Variants in ARL9 observed in about 807,000 individuals in gnomAD.
ARL9 encodes the protein ARF like GTPase 9.
A neutral mutation model predicts 27.0 loss-of-function variants in ARL9; 14 were observed. The ratio of observed to expected loss-of-function variants is 0.52; its 90% confidence interval spans 0.34 to 0.81. ARL9 has a LOEUF of 0.81. Among genes scored for constraint, ARL9 ranks in the 30% least tolerant of loss-of-function variants. The probability of loss-of-function intolerance (pLI) is 0.01; values close to 1 mark genes in which losing one functional copy is unlikely to be tolerated. For missense variants in ARL9, 294 were observed against 290.0 expected, an observed-to-expected ratio of 1.01 and a Z score of -0.10; for synonymous variants, 106 against 108.7, an observed-to-expected ratio of 0.98 and a Z score of 0.15.
chr4:56,516,205 A>G (rs1381276376), intron 2 of ARL9, among the ~76,000 whole-genome samples: 3 of 152,226 alleles, frequency 2.0e-5, no homozygotes, highest in Non-Finnish European at 4.4e-5. Flanking sequence ...TCCTATGCAT[A>G]CAAATGTATA....
chr4:56,516,475 A>G (rs576125304), intron 2 of ARL9, among the ~76,000 whole-genome samples: 1 of 152,226 alleles, frequency 6.6e-6, no homozygotes, highest in East Asian at 1.9e-4. Context: ...TCCTACAAAT[A>G]AAGACAACAT....
intron 2 of ARL9, among the ~76,000 whole-genome samples, chr4:56,518,351 T>C (rs1721822614): frequency 6.6e-6 from 1 of 152,180 alleles, no homozygotes. Flanking sequence ...TCCCATTTTC[T>C]GAGCTATAAC....
intron 1 of ARL9, among the ~76,000 whole-genome samples, chr4:56,506,907 C>T (rs2110140457): frequency 6.6e-6 from 1 of 151,600 alleles, no homozygotes; most frequent in Non-Finnish European, 1.5e-5. Flanking sequence ...GCACCGCCCC[C>T]ATCTCCCAAC....
At chr4:56,509,201 C>CTTTTCTTTTTTTTTTTTTTTTTT (rs1553949438) in intron 1 of ARL9, among the ~76,000 whole-genome samples, 1 of 133,352 alleles carries the variant, frequency 7.5e-6, no homozygotes, top group Non-Finnish European at 1.6e-5. Context: ...TTTTCTTTTT[C>CTTTTCTTTTTTTTTTTTTTTTTT]TTTTTTTTGT....
chr4:56,513,976 C>G (rs1721708453), intron 2 of ARL9, among the ~76,000 whole-genome samples: 1 of 152,108 alleles, frequency 6.6e-6, no homozygotes, highest in Non-Finnish European at 1.5e-5. Flanking sequence ...TTGAGAACAA[C>G]CTGGGCAATA....
intron 3 of ARL9, among the ~76,000 whole-genome samples, chr4:56,520,168 A>G (rs1721878324): frequency 6.6e-6 from 1 of 152,124 alleles, no homozygotes; most frequent in South Asian, 2.1e-4. Context: ...ACACCCAGCT[A>G]ATTTTTGTAT....
At chr4:56,506,643 C>T (rs568052295) in intron 1 of ARL9, 519 of 985,222 alleles carry the variant, frequency 5.3e-4, no homozygotes, top group Non-Finnish European at 6.0e-4. Flanking sequence ...GAATGGATGG[C>T]GGAAAAGTTT....
At chr4:56,507,376 G>A (rs180935263) in intron 1 of ARL9, among the ~76,000 whole-genome samples, 13 of 151,354 alleles carry the variant, frequency 8.6e-5, no homozygotes, top group Middle Eastern at 3.4e-3. Context: ...GTACAGTGGC[G>A]TGATCTCGGC....
chr4:56,509,099 C>G (rs921964816), intron 1 of ARL9, among the ~76,000 whole-genome samples: 12 of 152,300 alleles, frequency 7.9e-5, no homozygotes, highest in African/African-American at 2.9e-4. Flanking sequence ...TCAGAGCACC[C>G]TGTACGATCT....
chr4:56,506,722 C>CT, intron 1 of ARL9: 3 of 973,368 alleles, frequency 3.1e-6, no homozygotes, highest in Non-Finnish European at 3.7e-6. Flanking sequence ...CCTGGAGTTC[C>CT]TGAGCTGGCT....
chr4:56,506,810 G>A (rs998371651), intron 1 of ARL9: 3 of 300,062 alleles, frequency 1.0e-5, no homozygotes, highest in Non-Finnish European at 1.5e-5. Context: ...GTGTGTGTGT[G>A]TGTGTGTGTG....
upstream of ARL9, chr4:56,505,355 G>A: frequency 2.2e-6 from 1 of 456,932 alleles, no homozygotes; most frequent in South Asian, 1.5e-5. Context: ...CTGAGGGAAG[G>A]CTGAGAATCC....
intron 2 of ARL9, among the ~76,000 whole-genome samples, chr4:56,515,817 A>G (rs1274564210): frequency 1.3e-5 from 2 of 152,230 alleles, no homozygotes; most frequent in East Asian, 1.9e-4. Flanking sequence ...AAATAGAGAC[A>G]TAATACAGTT....
At chr4:56,506,205 G>T (rs1721455377) in intron 1 of ARL9, 64 bp downstream of exon 1, 3 of 1,230,736 alleles carry the variant, frequency 2.4e-6, no homozygotes, top group Non-Finnish European at 2.0e-6. Context: ...AGACCCCAGC[G>T]CTGTCTCTGT....
At chr4:56,519,857 A>ATT (rs912928238) in intron 3 of ARL9, among the ~76,000 whole-genome samples, 1 of 146,606 alleles carries the variant, frequency 6.8e-6, no homozygotes. Context: ...ATGCAAAGGG[A>ATT]TTTTTTTTTT....
intron 1 of ARL9, among the ~76,000 whole-genome samples, chr4:56,508,343 C>A (rs1721527617): frequency 6.6e-6 from 1 of 151,980 alleles, no homozygotes; most frequent in African/African-American, 2.4e-5. Flanking sequence ...GTTTAAGAGC[C>A]ATCAAAGATT....
intron 1 of ARL9, among the ~76,000 whole-genome samples, chr4:56,509,208 T>TTC (rs1210357086): frequency 1.4e-4 from 18 of 125,872 alleles, no homozygotes; most frequent in South Asian, 5.2e-4. Flanking sequence ...TTTCTTTTTT[T>TTC]TGTTTTTTTT....
rs2110158592 is a variant in ARL9, at chr4:56,523,779, T to G, written c.701T>G (p.Leu234Trp). 6.2e-7 allele frequency: 1 copy of G among 1,613,966 alleles called. No homozygotes were observed. Residue 234 changes from leucine to tryptophan, a missense_variant, in exon 4 of 4, where the codon TTG (leucine) becomes TGG (tryptophan). Leu to Trp is a moderately conservative substitution (Grantham distance 61). Transcript: ENST00000640821. ...GTGGGAAATGACAGGAAGATGTTCTTGTTTGGAACCTACCTGACTAAGAAT... is the reference window on the plus strand; with the variant it reads ...GTGGGAAATGACAGGAAGATGTTCTGGTTTGGAACCTACCTGACTAAGAAT... Reference protein sequence around the residue: ...SEVGNDRKMFLFGTYLTKNGS... With the variant: ...SEVGNDRKMFWFGTYLTKNGS...
rs548241539 is a variant in ARL9 at position 56,508,372 on chromosome 4, G to T, written c.279+2231G>T. The stretch of plus-strand genomic sequence containing the variant: ...AAAGATTTGCTCCAAGAACAAATAC[G>T]TACATTTTTTCTTTTTCTTTTTTTT... On this transcript the variant is annotated intron_variant, in intron 1 of 3. Transcript: ENST00000640821. 3.9e-4 allele frequency among the ~76,000 whole-genome samples: 59 copies of T among 152,092 alleles called. 1 individual carries two copies. Among genetic ancestry groups the T allele is most frequent in the Admixed American group, 3.9e-3 (59 of 15,270 alleles).
Sources: allele counts gnomAD v4.1 joint callset (sites outside exome capture counted in the v4.1 genomes callset), GRCh38; gene constraint gnomAD v4.1.1; transcripts MANE v1.5; gene names NCBI Gene and HGNC (gene_info 2026-07-23, HGNC 2026-07-21).